FOXJ3: variants seen among roughly 807,000 people sequenced by gnomAD.
The protein encoded by FOXJ3 is forkhead box protein J3.
FOXJ3 carries 22 observed loss-of-function variants against 76.1 expected under a neutral mutation model. The observed-to-expected ratio is 0.29, with a 90% confidence interval of 0.21 to 0.41. The LOEUF is 0.41. Among genes scored for constraint, FOXJ3 ranks in the 10% least tolerant of loss-of-function variants. The pLI, the probability that FOXJ3 is intolerant of heterozygous loss-of-function variation, is 1.00. For missense variants in FOXJ3, 613 were observed against 762.1 expected, an observed-to-expected ratio of 0.80 and a Z score of 2.30; for synonymous variants, 269 against 261.2, an observed-to-expected ratio of 1.03 and a Z score of -0.29.
Position 42,178,647 on chromosome 1 carries a change from T to G in FOXJ3, c.*1063A>C, listed in dbSNP as rs760835963. The G allele has an allele frequency of 6.6e-6, 1 of 152,214 alleles. No homozygotes were observed. The highest frequency in any genetic ancestry group is 2.4e-5 in the African/African-American group (1 of 41,442). 9.4% of individuals were successfully genotyped at this position (152,214 alleles called of 1,614,324 possible). On this transcript the variant is annotated 3_prime_UTR_variant, in exon 13 of 13. Transcript: ENST00000361346. ...TAAAATACAAAAAATCAGCCAGGCATGGCGGTGTGCACCTGCACTCCCAGC... is the reference window on the plus strand; with the variant it reads ...TAAAATACAAAAAATCAGCCAGGCAGGGCGGTGTGCACCTGCACTCCCAGC...
chr1:42,183,863 A>T (rs1455089468), intron 11 of FOXJ3, among the ~76,000 whole-genome samples: 1 of 152,112 alleles, frequency 6.6e-6, no homozygotes, highest in Non-Finnish European at 1.5e-5. Context: ...AGATAGGGAA[A>T]CAGGGACAGA....
At chr1:42,295,189 A>C (rs1653703545) in intron 2 of FOXJ3, among the ~76,000 whole-genome samples, 1 of 151,882 alleles carries the variant, frequency 6.6e-6, no homozygotes, top group African/African-American at 2.4e-5. Flanking sequence ...CCAACATGTA[A>C]TTTTTCAACC....
At chr1:42,217,047 C>G (rs1329824731) in intron 5 of FOXJ3, among the ~76,000 whole-genome samples, 1 of 152,048 alleles carries the variant, frequency 6.6e-6, no homozygotes, top group Non-Finnish European at 1.5e-5. Flanking sequence ...ATATATAGAT[C>G]TGGGGTGGAG....
chr1:42,255,117 C>T (rs1201149650), intron 4 of FOXJ3, among the ~76,000 whole-genome samples: 2 of 152,054 alleles, frequency 1.3e-5, no homozygotes, highest in Non-Finnish European at 2.9e-5. Context: ...GCAAGTAACA[C>T]AAATCCTAAG....
rs542103337 is a variant in FOXJ3, at chr1:42,234,865, G to A, written c.445-6899C>T. Among the ~76,000 whole-genome samples the A allele has an allele frequency of 2.0e-5, 3 of 152,340 alleles. No individual in the cohort carries two copies. The East Asian group carries it at 5.8e-4, about 29-fold the overall frequency. ...TGCCTCCAGTTAGGCTACAATTGAG[G>A]AGGCTGTCTGTCCGTTCTCAGATCT... On this transcript the variant is annotated intron_variant, in intron 4 of 12. Coordinates refer to ENST00000361346, the MANE Select transcript of FOXJ3 (RefSeq NM_014947.5).
chr1:42,296,104 TTGAGTA>T (rs1653770455), intron 2 of FOXJ3, among the ~76,000 whole-genome samples: 1 of 152,330 alleles, frequency 6.6e-6, no homozygotes, highest in African/African-American at 2.4e-5. Flanking sequence ...ATTAGTAATG[TTGAGTA>T]TTTTTTTCAA....
At chr1:42,321,350 A>G (rs909960840) in intron 1 of FOXJ3, among the ~76,000 whole-genome samples, 3 of 152,180 alleles carry the variant, frequency 2.0e-5, no homozygotes, top group Non-Finnish European at 4.4e-5. Flanking sequence ...AGAAATTAGT[A>G]GTCTGCCAAG....
chr1:42,270,204 A>G (rs1237080786), intron 3 of FOXJ3, among the ~76,000 whole-genome samples: 1 of 152,180 alleles, frequency 6.6e-6, no homozygotes, highest in Non-Finnish European at 1.5e-5. Flanking sequence ...TTTTCAATTC[A>G]TTCTTGGATT....
intron 4 of FOXJ3, among the ~76,000 whole-genome samples, chr1:42,245,151 G>C (rs1209268054): frequency 7.7e-6 from 1 of 130,390 alleles, no homozygotes; most frequent in Non-Finnish European, 1.6e-5. Context: ...CTGCACTCCA[G>C]CCTGAGACTC....
chr1:42,183,983 TTGAC>T (rs1016050881), intron 11 of FOXJ3, among the ~76,000 whole-genome samples: 3 of 152,084 alleles, frequency 2.0e-5, no homozygotes, highest in Non-Finnish European at 2.9e-5. Context: ...ACTGACCTCT[TTGAC>T]TGACTGACCA....
intron 2 of FOXJ3, among the ~76,000 whole-genome samples, chr1:42,302,887 T>C (rs746005273): frequency 6.6e-6 from 1 of 151,382 alleles, no homozygotes; most frequent in Non-Finnish European, 1.5e-5. Flanking sequence ...TCAAAATTTC[T>C]CCATCTCCCT....
At position 42,179,399 on chromosome 1, in the gene FOXJ3, G is replaced by A. The variant is rs757367734; in HGVS notation, c.*311C>T. 24 of 182,756 alleles carry A rather than the reference G, an allele frequency of 1.3e-4. No homozygotes were observed. The highest frequency in any genetic ancestry group is 2.0e-4 in the Non-Finnish European group (18 of 88,022). 11.3% of individuals were successfully genotyped at this position (182,756 alleles called of 1,614,324 possible). On this transcript the variant is annotated 3_prime_UTR_variant, in exon 13 of 13. Transcript: ENST00000361346. Reference sequence around the variant, plus strand: ...AACTGCTTGCAGCAAAATAGGCTCCGTCTGAAAAATCAGTCTGGCACTTGT... The same window carrying A: ...AACTGCTTGCAGCAAAATAGGCTCCATCTGAAAAATCAGTCTGGCACTTGT...
intron 4 of FOXJ3, among the ~76,000 whole-genome samples, chr1:42,258,911 TTA>T (rs1650816696): frequency 6.6e-6 from 1 of 152,210 alleles, no homozygotes; most frequent in South Asian, 2.1e-4. Context: ...AACTTGACTA[TTA>T]TGTTACTACT....
intron 4 of FOXJ3, among the ~76,000 whole-genome samples, chr1:42,264,597 T>C (rs779817746): frequency 2.0e-5 from 3 of 152,060 alleles, no homozygotes; most frequent in African/African-American, 7.2e-5. Context: ...GGTCACACTA[T>C]AGTTGACTAG....
chr1:42,182,061 T>C, intron 11 of FOXJ3, 37 bp from the exon 12 acceptor site: 2 of 1,170,004 alleles, frequency 1.7e-6, no homozygotes, highest in Non-Finnish European at 1.3e-6. Context: ...GAAAACATGT[T>C]ACCACAAATA....
intron 2 of FOXJ3, among the ~76,000 whole-genome samples, chr1:42,302,647 G>T (rs531794719): frequency 2.2e-4 from 34 of 152,334 alleles, no homozygotes; most frequent in African/African-American, 8.2e-4. Flanking sequence ...AAAAGTGGGT[G>T]CTCCAAATGC....
chr1:42,179,820 G>A lies in FOXJ3; in HGVS notation c.1759C>T (p.His587Tyr). ...ATGTGCTGCTGGTTCATGGCTCTGT[G>A]ATGGCCTGGAAGGAAAGAGGCAATA... ...STPGTTMAGH[H>Y]RAMNQQHMMP... The change falls in exon 13 of 13, where the codon CAC becomes TAC. Residue 587 changes from histidine (H) to tyrosine (Y), a missense_variant. Physicochemically the swap from His to Tyr is moderately conservative, Grantham distance 83. Around this residue, in one of 3 missense-constraint regions of FOXJ3, gnomAD observed 526 missense variants for 601.4 expected, o/e 0.87. Coordinates refer to ENST00000361346, the MANE Select transcript of FOXJ3 (RefSeq NM_014947.5). The A allele has an allele frequency of 6.2e-7, 1 of 1,611,518 alleles. No homozygotes were observed. Among genetic ancestry groups the A allele is most frequent in the South Asian group, 1.1e-5 (1 of 91,010 alleles).
At chr1:42,250,674 G>A (rs1649953558) in intron 4 of FOXJ3, among the ~76,000 whole-genome samples, 1 of 151,690 alleles carries the variant, frequency 6.6e-6, no homozygotes, top group African/African-American at 2.4e-5. Flanking sequence ...AAATTAGCTG[G>A]GCGTGGTGGC....
chr1:42,307,286 T>C (rs1176865401), intron 2 of FOXJ3, among the ~76,000 whole-genome samples: 1 of 152,004 alleles, frequency 6.6e-6, no homozygotes, highest in East Asian at 1.9e-4. Context: ...TGGGTCCCAA[T>C]CTCACAGAAC....
Sources: gnomAD v4.1 joint callset for allele counts (sites outside exome capture counted in the v4.1 genomes callset) on GRCh38, gnomAD v4.1.1 for gene constraint, gnomAD v4.1.1 regional missense constraint, MANE v1.5 for transcripts, NCBI Gene and HGNC (gene_info 2026-07-23, HGNC 2026-07-21) for gene names.